RABGAP1L: variants seen among roughly 807,000 people sequenced by gnomAD.
RABGAP1L encodes rab GTPase-activating protein 1-like.
Under a neutral mutation model 137.7 loss-of-function variants are expected in RABGAP1L, and 63 were observed. The ratio of observed to expected loss-of-function variants is 0.46; its 90% CI spans 0.37 to 0.56. The LOEUF is 0.56. Among genes scored for constraint, RABGAP1L ranks in the 20% least tolerant of loss-of-function variants. The pLI is 0.00. For missense variants in RABGAP1L, 1,095 were observed against 1,244.0 expected, an observed-to-expected ratio of 0.88 and a Z score of 1.80; for synonymous variants, 431 against 433.7, an observed-to-expected ratio of 0.99 and a Z score of 0.08.
intron 1 of RABGAP1L, among the ~76,000 whole-genome samples, chr1:174,188,409 A>G (rs1457555247): frequency 6.6e-6 from 1 of 152,234 alleles, no homozygotes; most frequent in Non-Finnish European, 1.5e-5. Context: ...ACAAAAATGA[A>G]TAAAGCATGG....
chr1:174,702,962 G>A (rs1032294200), intron 17 of RABGAP1L, among the ~76,000 whole-genome samples: 5 of 152,014 alleles, frequency 3.3e-5, no homozygotes, highest in African/African-American at 1.2e-4. Context: ...GATAAGAAGT[G>A]TATATTTTCA....
intron 13 of RABGAP1L, among the ~76,000 whole-genome samples, chr1:174,399,139 T>C (rs1259151414): frequency 1.3e-5 from 2 of 152,196 alleles, no homozygotes; most frequent in Non-Finnish European, 2.9e-5. Flanking sequence ...TGACATAAAG[T>C]ACAGTGGTAT....
At chr1:174,336,605 T>A (rs1233264694) in intron 11 of RABGAP1L, among the ~76,000 whole-genome samples, 1 of 152,242 alleles carries the variant, frequency 6.6e-6, no homozygotes, top group Admixed American at 6.5e-5. Context: ...CTTTATTTTA[T>A]AGGTCAGGGG....
At chr1:174,643,932 T>C (rs927911869) in intron 14 of RABGAP1L, among the ~76,000 whole-genome samples, 2 of 134,852 alleles carry the variant, frequency 1.5e-5, no homozygotes, top group African/African-American at 3.5e-5. Context: ...TGTGTGTGTG[T>C]GTGTGTGTGT....
chr1:174,241,972 C>T (rs1485701947), intron 5 of RABGAP1L, among the ~76,000 whole-genome samples: 1 of 152,120 alleles, frequency 6.6e-6, no homozygotes, highest in African/African-American at 2.4e-5. Flanking sequence ...ATTATTTTGC[C>T]CTAGTAGATT....
At chr1:174,947,043 A>G (rs1041948088) in intron 19 of RABGAP1L, among the ~76,000 whole-genome samples, 4 of 145,912 alleles carry the variant, frequency 2.7e-5, no homozygotes, top group African/African-American at 1.0e-4. Context: ...TGCAGCATGC[A>G]TTTTGTGCTC....
chr1:174,392,550 T>C (rs541507235), intron 12 of RABGAP1L, among the ~76,000 whole-genome samples: 2 of 152,334 alleles, frequency 1.3e-5, no homozygotes, highest in African/African-American at 4.8e-5. Flanking sequence ...TAGAAAAGGC[T>C]AAAAGAAACC....
intron 13 of RABGAP1L, chr1:174,548,435 T>G (rs558604439): frequency 1.0e-6 from 1 of 953,714 alleles, no homozygotes; most frequent in Non-Finnish European, 1.3e-6. Flanking sequence ...TGCTTTTGCT[T>G]ATATATGGAT....
At chr1:174,248,368 A>G (rs970368303) in intron 5 of RABGAP1L, among the ~76,000 whole-genome samples, 1 of 152,212 alleles carries the variant, frequency 6.6e-6, no homozygotes, top group Non-Finnish European at 1.5e-5. Flanking sequence ...TCTTAATTAT[A>G]TAAGTTTTGA....
At chr1:174,169,029 G>A (rs1008158872) in intron 1 of RABGAP1L, among the ~76,000 whole-genome samples, 1 of 151,986 alleles carries the variant, frequency 6.6e-6, no homozygotes, top group African/African-American at 2.4e-5. Flanking sequence ...GAGAACATGC[G>A]GCATTTGACT....
In RABGAP1L at chr1:174,964,391, AAT is replaced by A. The variant is rs1481758635; in HGVS notation, c.2434-4885_2434-4884del. 3.3e-5 allele frequency among the ~76,000 whole-genome samples: 5 copies of A among 152,268 alleles called. No homozygotes were observed. The East Asian group carries it at 7.7e-4, about 23-fold the overall frequency. On this transcript the variant is annotated intron_variant, in intron 20 of 25. Transcript: ENST00000681986. Reference sequence around the variant, plus strand: ...TTTAAAGCTTAGTTTCTTTACTTTTAATTAACAGTTCACATTTCTCTGGTTTC... The same window carrying A: ...TTTAAAGCTTAGTTTCTTTACTTTTATAACAGTTCACATTTCTCTGGTTTC...
chr1:174,895,970 T>G (rs908318274), intron 19 of RABGAP1L, among the ~76,000 whole-genome samples: 3 of 152,182 alleles, frequency 2.0e-5, no homozygotes, highest in South Asian at 2.1e-4. Flanking sequence ...TAATGGGATG[T>G]CTGGGTCAAA....
intron 13 of RABGAP1L, among the ~76,000 whole-genome samples, chr1:174,574,818 T>C (rs1023193677): frequency 6.6e-6 from 1 of 152,230 alleles, no homozygotes; most frequent in Admixed American, 6.5e-5. Context: ...GAAAATAGTG[T>C]AAGGCTCAGA....
intron 1 of RABGAP1L, among the ~76,000 whole-genome samples, chr1:174,175,153 G>GACAC (rs543518547): frequency 2.3e-3 from 212 of 92,712 alleles, no homozygotes; most frequent in African/African-American, 0.018. Flanking sequence ...TCTTGTATAT[G>GACAC]ACACAGACCA....
intron 14 of RABGAP1L, among the ~76,000 whole-genome samples, chr1:174,640,943 A>G (rs1330646975): frequency 6.9e-6 from 1 of 145,642 alleles, no homozygotes; most frequent in Non-Finnish European, 1.5e-5. Flanking sequence ...TCTATATTAA[A>G]TATAATATAA....
intron 13 of RABGAP1L, among the ~76,000 whole-genome samples, chr1:174,569,862 A>G (rs1667854645): frequency 6.6e-6 from 1 of 152,220 alleles, no homozygotes; most frequent in Non-Finnish European, 1.5e-5. Flanking sequence ...CTTTGCATAA[A>G]TATCTCTAAT....
chr1:174,955,646 G>T (rs1435912969), intron 19 of RABGAP1L, among the ~76,000 whole-genome samples: 2 of 152,180 alleles, frequency 1.3e-5, no homozygotes, highest in African/African-American at 4.8e-5. Flanking sequence ...GGCCTAGTAT[G>T]AGCCAAATAC....
chr1:174,583,794 G>A (rs148416252), intron 13 of RABGAP1L, among the ~76,000 whole-genome samples: 139 of 152,232 alleles, frequency 9.1e-4, no homozygotes, highest in African/African-American at 3.0e-3. Context: ...AGAATTTTAG[G>A]CTTAATAATA....
chr1:174,819,187 T>TA (rs71299431), intron 19 of RABGAP1L, among the ~76,000 whole-genome samples: 7,934 of 44,800 alleles, frequency 0.18, 1,567 homozygotes, highest in East Asian at 0.54. Context: ...TGCCTGTCTC[T>TA]AAAAAAAAAA....
Sources: gnomAD v4.1 joint callset for allele counts (sites outside exome capture counted in the v4.1 genomes callset) on GRCh38, gnomAD v4.1.1 for gene constraint, MANE v1.5 for transcripts, NCBI Gene and HGNC (gene_info 2026-07-23, HGNC 2026-07-21) for gene names.